Variants in BMP5 observed in about 807,000 individuals in gnomAD.
BMP5 encodes bone morphogenetic protein 5.
In BMP5, 23 loss-of-function variants were observed where a neutral mutation model predicts 46.6. The ratio of observed to expected loss-of-function variants is 0.49; its 90% CI spans 0.35 to 0.70. The LOEUF is 0.70. BMP5 is among the 30% of genes least tolerant of loss of function. The pLI, the probability that BMP5 is intolerant of heterozygous loss-of-function variation, is 0.00. For synonymous variants in BMP5, 204 were observed against 191.9 expected (o/e 1.06, Z -0.52); for missense variants, 545 against 565.6 (o/e 0.96, Z 0.37).
At chr6:55,836,784 AT>A (rs760639850) in intron 1 of BMP5, among the ~76,000 whole-genome samples, 23 of 152,152 alleles carry the variant, frequency 1.5e-4, no homozygotes, top group Middle Eastern at 3.4e-3. Context: ...TACTTTCATG[AT>A]TTTTTATTCC....
intron 3 of BMP5, among the ~76,000 whole-genome samples, chr6:55,789,807 T>A (rs1342707912): frequency 6.6e-6 from 1 of 152,168 alleles, no homozygotes; most frequent in Non-Finnish European, 1.5e-5. Flanking sequence ...TTTTTTCATT[T>A]GCTTGCTCAT....
chr6:55,780,467 AAAAAAAGAAAG>A (rs1331260277), intron 3 of BMP5, among the ~76,000 whole-genome samples: 1 of 145,760 alleles, frequency 6.9e-6, no homozygotes, highest in Non-Finnish European at 1.5e-5. Context: ...AAAAAAAAAA[AAAAAAAGAAAG>A]AAAGAAAGAA....
At chr6:55,872,681 C>T (rs1171528181) in intron 1 of BMP5, among the ~76,000 whole-genome samples, 1 of 151,738 alleles carries the variant, frequency 6.6e-6, no homozygotes, top group Non-Finnish European at 1.5e-5. Context: ...TATATTATGA[C>T]ATTCATGACT....
intron 1 of BMP5, among the ~76,000 whole-genome samples, chr6:55,872,534 AG>A (rs917407530): frequency 1.3e-5 from 2 of 151,692 alleles, no homozygotes; most frequent in African/African-American, 4.8e-5. Context: ...ATAATAAAAA[AG>A]TTATAGGAAT....
intron 3 of BMP5, among the ~76,000 whole-genome samples, chr6:55,779,725 C>G (rs2127523487): frequency 6.6e-6 from 1 of 151,964 alleles, no homozygotes; most frequent in South Asian, 2.1e-4. Flanking sequence ...CTTTGTTATA[C>G]TTTGATGAAA....
intron 2 of BMP5, among the ~76,000 whole-genome samples, chr6:55,813,308 C>G (rs1776177242): frequency 6.6e-6 from 1 of 151,858 alleles, no homozygotes; most frequent in Non-Finnish European, 1.5e-5. Flanking sequence ...TTTAAAAACA[C>G]AGAAAGTGTT....
chr6:55,796,735 G>C (rs1775722367), intron 2 of BMP5, among the ~76,000 whole-genome samples: 1 of 143,540 alleles, frequency 7.0e-6, no homozygotes, highest in South Asian at 2.1e-4. Flanking sequence ...TCACCTATGA[G>C]TGAGAATATG....
intron 3 of BMP5, among the ~76,000 whole-genome samples, chr6:55,786,173 T>A (rs1455398981): frequency 6.6e-6 from 1 of 151,746 alleles, no homozygotes; most frequent in Non-Finnish European, 1.5e-5. Flanking sequence ...TGAATGTAAC[T>A]GTTTAATACC....
At chr6:55,844,906 T>C (rs1450365198) in intron 1 of BMP5, among the ~76,000 whole-genome samples, 1 of 152,046 alleles carries the variant, frequency 6.6e-6, no homozygotes, top group African/African-American at 2.4e-5. Context: ...TTTTGAAATA[T>C]TGACTTTGAC....
chr6:55,815,950 A>G (rs1776252104), intron 2 of BMP5, among the ~76,000 whole-genome samples: 1 of 152,132 alleles, frequency 6.6e-6, no homozygotes, highest in African/African-American at 2.4e-5. Flanking sequence ...ATTAGATGAC[A>G]TTAAGAAATA....
intron 6 of BMP5, 77 bp from the exon 7 acceptor site, chr6:55,755,759 T>C: frequency 1.4e-6 from 2 of 1,383,280 alleles, no homozygotes; most frequent in Non-Finnish European, 2.0e-6. Flanking sequence ...GGTATGATTA[T>C]TTTATCACTC....
In BMP5 at chr6:55,798,076, C is replaced by T. The variant is rs112337446; in HGVS notation, c.684-3649G>A. The stretch of plus-strand genomic sequence containing the variant: ...CCAGGCTCTCTCCTTGGCTTGTAGA[C>T]TGTTGTCTTCTCCCTGTATCCCTTC... On this transcript the variant is annotated intron_variant, in intron 2 of 6. Transcript: ENST00000370830. Among the ~76,000 whole-genome samples the T allele has an allele frequency of 7.4e-3, 1,122 of 152,272 alleles. 15 individuals are homozygous for T. The highest frequency in any genetic ancestry group is 0.026 in the African/African-American group (1,061 of 41,556).
chr6:55,827,014 A>G (rs986649974), intron 1 of BMP5, among the ~76,000 whole-genome samples: 10 of 151,796 alleles, frequency 6.6e-5, no homozygotes, highest in Non-Finnish European at 1.2e-4. Flanking sequence ...CTTACTCCCA[A>G]GCTCCTATGC....
intron 1 of BMP5, among the ~76,000 whole-genome samples, chr6:55,825,525 G>A (rs111616333): frequency 5.4e-4 from 82 of 151,756 alleles, no homozygotes; most frequent in African/African-American, 1.9e-3. Context: ...TTCTGCAAAG[G>A]TTAAACTCTG....
At chr6:55,789,445 GA>G (rs1479731077) in intron 3 of BMP5, among the ~76,000 whole-genome samples, 1 of 151,852 alleles carries the variant, frequency 6.6e-6, no homozygotes, top group Non-Finnish European at 1.5e-5. Flanking sequence ...TGTTTGGGGG[GA>G]AAACTCAAGT....
intron 3 of BMP5, among the ~76,000 whole-genome samples, chr6:55,788,380 G>A (rs1775498146): frequency 6.6e-6 from 1 of 151,616 alleles, no homozygotes; most frequent in African/African-American, 2.4e-5. Flanking sequence ...ATCAATCAAT[G>A]TTATTAAACA....
chr6:55,855,308 C>G (rs1777364395), intron 1 of BMP5, among the ~76,000 whole-genome samples: 1 of 150,614 alleles, frequency 6.6e-6, no homozygotes, highest in African/African-American at 2.5e-5. Flanking sequence ...TCACTTGAGC[C>G]CAGATGGTCA....
intron 4 of BMP5, among the ~76,000 whole-genome samples, chr6:55,764,487 G>C (rs1160632329): frequency 1.3e-5 from 2 of 151,696 alleles, no homozygotes; most frequent in Middle Eastern, 6.8e-3. Context: ...GCAGGAGAAC[G>C]GCGTGAACCC....
intron 1 of BMP5, among the ~76,000 whole-genome samples, chr6:55,871,152 TC>T (rs1354038479): frequency 2.0e-5 from 3 of 151,856 alleles, no homozygotes; most frequent in Non-Finnish European, 1.5e-5. Flanking sequence ...TCTAATCATG[TC>T]TTTAACTTGT....
Sources: allele counts gnomAD v4.1 joint callset (sites outside exome capture counted in the v4.1 genomes callset), GRCh38; gene constraint gnomAD v4.1.1; transcripts MANE v1.5; gene names NCBI Gene and HGNC (gene_info 2026-07-23, HGNC 2026-07-21).